SLC17A1: variants seen among roughly 807,000 people sequenced by gnomAD.
SLC17A1 encodes sodium-dependent phosphate transport protein 1.
In SLC17A1, 51 loss-of-function variants were observed where a neutral mutation model predicts 53.5. The ratio of observed to expected loss-of-function variants is 0.95; its 90% CI spans 0.76 to 1.20. The LOEUF (loss-of-function observed/expected upper bound fraction) is 1.20, where lower values mean the gene tolerates loss of function less well. SLC17A1 is among the 50% of genes most tolerant of loss of function. The probability of loss-of-function intolerance (pLI) is 0.00; values close to 1 mark genes in which losing one functional copy is unlikely to be tolerated. For synonymous variants in SLC17A1, 179 were observed against 198.8 expected (o/e 0.90, Z 0.84); for missense variants, 538 against 568.2 (o/e 0.95, Z 0.54).
the SLC17A1 span, chr6:25,726,805 G>C: frequency 7.3e-7 from 1 of 1,371,176 alleles, no homozygotes; most frequent in Non-Finnish European, 1.0e-6. Flanking sequence ...ACTTGGAGCT[G>C]AGGTCATTTG....
Position 25,791,857 on chromosome 6 carries a change from T to A in SLC17A1, c.*2+6926A>T, listed in dbSNP as rs1763507770. On this transcript the variant is annotated intron_variant, in intron 12 of 12. Coordinates refer to ENST00000244527, the MANE Select transcript of SLC17A1 (RefSeq NM_005074.5). Reference sequence around the variant, plus strand: ...TAGGCCTGTGAAGTGACCGAGTCCATTTGCAGGTGCAAAGGTGGCGGGAAC... The same window carrying A: ...TAGGCCTGTGAAGTGACCGAGTCCAATTGCAGGTGCAAAGGTGGCGGGAAC... Among the ~76,000 whole-genome samples the A allele has an allele frequency of 2.0e-5, 3 of 152,238 alleles. No homozygotes were observed. In the South Asian group the frequency reaches 6.2e-4, roughly 31 times the overall value.
At chr6:25,754,446 A>G in the SLC17A1 span, among the ~76,000 whole-genome samples, 1 of 152,192 alleles carries the variant, frequency 6.6e-6, no homozygotes, top group Non-Finnish European at 1.5e-5. Flanking sequence ...TAACTCTGAG[A>G]GACCCCAGAA....
the SLC17A1 span, chr6:25,726,723 C>G: frequency 1.9e-6 from 2 of 1,052,858 alleles, no homozygotes; most frequent in East Asian, 2.4e-5. Context: ...GGATACCGAA[C>G]GCGGCGTTTG....
the SLC17A1 span, among the ~76,000 whole-genome samples, chr6:25,774,547 G>C: frequency 6.6e-6 from 1 of 152,186 alleles, no homozygotes; most frequent in Non-Finnish European, 1.5e-5. Context: ...GTGGCTCTGG[G>C]TCTTTTCAAA....
chr6:25,800,418 T>C (rs1476877727), intron 11 of SLC17A1, among the ~76,000 whole-genome samples: 1 of 152,098 alleles, frequency 6.6e-6, no homozygotes. Flanking sequence ...TAAAATTTGA[T>C]AGGGCATTTT....
At position 25,813,107 on chromosome 6, in the gene SLC17A1, G is replaced by A. The variant is rs1764217430; in HGVS notation, c.723C>T (p.Ser241=). The A allele has an allele frequency of 5.6e-6, 9 of 1,613,918 alleles. No individual in the cohort carries two copies. The highest frequency in any genetic ancestry group is 4.0e-5 in the African/African-American group (3 of 75,050). Residue 241 remains serine, a synonymous_variant, in exon 7 of 13, where the codon TCC becomes TCT. Coordinates refer to ENST00000244527, the MANE Select transcript of SLC17A1 (RefSeq NM_005074.5). ...AACTGTGTTCTACCTGCTGGACCAG[G>A]GAGGATGTGATGTATTCCTTTTCAC... ...SISEKEYITS[S]LVQQVSSSRQ...
At chr6:25,802,015 GT>G (rs1308557608) in intron 10 of SLC17A1, among the ~76,000 whole-genome samples, 3 of 152,142 alleles carry the variant, frequency 2.0e-5, no homozygotes, top group Non-Finnish European at 2.9e-5. Context: ...TTGTTGTTCT[GT>G]TTTTCATTTC....
intron 3 of SLC17A1, among the ~76,000 whole-genome samples, chr6:25,822,486 T>G (rs1764597392): frequency 6.6e-6 from 1 of 152,238 alleles, no homozygotes; most frequent in African/African-American, 2.4e-5. Context: ...CTATTTAGAA[T>G]AATTATGTAT....
downstream of SLC17A1, chr6:25,779,267 C>T: frequency 1.3e-6 from 2 of 1,570,890 alleles, no homozygotes; most frequent in South Asian, 2.3e-5. Flanking sequence ...TTCATGCCTG[C>T]TTGACTGATA....
the SLC17A1 span, among the ~76,000 whole-genome samples, chr6:25,740,015 G>A: frequency 1.3e-5 from 2 of 152,116 alleles, no homozygotes; most frequent in Admixed American, 6.5e-5. Context: ...GAAGGATACA[G>A]GGAACCTCTG....
At chr6:25,826,119 A>G (rs1165180) in intron 3 of SLC17A1, among the ~76,000 whole-genome samples, 1 of 151,926 alleles carries the variant, frequency 6.6e-6, no homozygotes, top group African/African-American at 2.4e-5. Flanking sequence ...ATATCCTGCA[A>G]GTCAAAAACT....
chr6:25,777,328 A>T, the SLC17A1 span: 1 of 195,470 alleles, frequency 5.1e-6, no homozygotes. Flanking sequence ...AGGACACAGG[A>T]CTGCAGGAGA....
At chr6:25,751,303 G>A in the SLC17A1 span, among the ~76,000 whole-genome samples, 1 of 152,214 alleles carries the variant, frequency 6.6e-6, no homozygotes, top group Admixed American at 6.5e-5. Context: ...AGTATATTTT[G>A]TGTGCAGAAA....
the SLC17A1 span, among the ~76,000 whole-genome samples, chr6:25,739,910 T>C: frequency 6.6e-6 from 1 of 152,150 alleles, no homozygotes; most frequent in Non-Finnish European, 1.5e-5. Context: ...GTGATAAAAT[T>C]ATATGGAACT....
intron 10 of SLC17A1, among the ~76,000 whole-genome samples, chr6:25,808,251 A>G (rs1764026833): frequency 6.6e-6 from 1 of 151,620 alleles, no homozygotes; most frequent in African/African-American, 2.4e-5. Flanking sequence ...GTTTGCCACC[A>G]AATGCCATAT....
the SLC17A1 span, among the ~76,000 whole-genome samples, chr6:25,745,676 G>A: frequency 6.6e-6 from 1 of 152,132 alleles, no homozygotes; most frequent in Non-Finnish European, 1.5e-5. Flanking sequence ...TAGGCTCCAG[G>A]TCTTTCTATT....
At chr6:25,827,210 T>C (rs1443206048) in intron 2 of SLC17A1, among the ~76,000 whole-genome samples, 1 of 152,084 alleles carries the variant, frequency 6.6e-6, no homozygotes, top group Non-Finnish European at 1.5e-5. Flanking sequence ...ATGCAATCCA[T>C]TGGAGGAAAG....
chr6:25,767,157 G>A, the SLC17A1 span, among the ~76,000 whole-genome samples: 1 of 152,110 alleles, frequency 6.6e-6, no homozygotes, highest in Non-Finnish European at 1.5e-5. Flanking sequence ...CACAGATTGA[G>A]ATGGAAGCTT....
the SLC17A1 span, among the ~76,000 whole-genome samples, chr6:25,742,346 G>C: frequency 6.6e-6 from 1 of 152,008 alleles, no homozygotes; most frequent in Non-Finnish European, 1.5e-5. Context: ...TGGGAACCTG[G>C]GCAGGAAACT....
Sources: allele counts gnomAD v4.1 joint callset (sites outside exome capture counted in the v4.1 genomes callset), GRCh38; gene constraint gnomAD v4.1.1; transcripts MANE v1.5; gene names NCBI Gene and HGNC (gene_info 2026-07-23, HGNC 2026-07-21).